HPSE2: variants seen among roughly 807,000 people sequenced by gnomAD.
The protein encoded by HPSE2 is heparanase 2 (inactive), also known as inactive heparanase-2.
A neutral mutation model predicts 60.5 loss-of-function variants in HPSE2; 38 were observed. The observed-to-expected ratio is 0.63, with a 90% CI of 0.48 to 0.82. The LOEUF (loss-of-function observed/expected upper bound fraction) is 0.82. HPSE2 is among the 40% of genes least tolerant of loss of function. HPSE2 has a pLI of 0.00. For missense variants in HPSE2, 713 were observed against 740.4 expected, an observed-to-expected ratio of 0.96 and a Z score of 0.43; for synonymous variants, 295 against 293.2, an observed-to-expected ratio of 1.01 and a Z score of -0.06.
intron 3 of HPSE2, among the ~76,000 whole-genome samples, chr10:98,976,815 G>T (rs1956097101): frequency 6.6e-6 from 1 of 152,034 alleles, no homozygotes; most frequent in Admixed American, 6.6e-5. Flanking sequence ...GAAAAAATGG[G>T]CTTTGCAGAT....
chr10:98,808,594 C>T (rs1951096180), intron 3 of HPSE2, among the ~76,000 whole-genome samples: 1 of 151,954 alleles, frequency 6.6e-6, no homozygotes, highest in South Asian at 2.1e-4. Context: ...TTTTCTGAGC[C>T]AGAAAAAAAA....
At chr10:99,084,587 G>C (rs1843257530) in intron 3 of HPSE2, among the ~76,000 whole-genome samples, 1 of 152,096 alleles carries the variant, frequency 6.6e-6, no homozygotes, top group African/African-American at 2.4e-5. Context: ...AACCATTTTT[G>C]TTGCACAGGT....
At chr10:99,213,533 A>C (rs1275144982) in intron 2 of HPSE2, among the ~76,000 whole-genome samples, 1 of 152,084 alleles carries the variant, frequency 6.6e-6, no homozygotes, top group Non-Finnish European at 1.5e-5. Flanking sequence ...ACACAACTTC[A>C]GTTTGAGGCA....
At chr10:99,115,337 G>T (rs549708911) in intron 3 of HPSE2, among the ~76,000 whole-genome samples, 51 of 152,158 alleles carry the variant, frequency 3.4e-4, no homozygotes, top group African/African-American at 1.2e-3. Context: ...GGTATTTTTA[G>T]TAGAGACGGG....
At chr10:99,013,348 C>G (rs1174606404) in intron 3 of HPSE2, 6 of 611,456 alleles carry the variant, frequency 9.8e-6, no homozygotes, top group African/African-American at 1.8e-5. Context: ...GAAATCCTCT[C>G]TCTGTCTGTA....
chr10:98,564,168 C>T (rs2133881785), intron 9 of HPSE2, among the ~76,000 whole-genome samples: 1 of 152,276 alleles, frequency 6.6e-6, no homozygotes, highest in East Asian at 1.9e-4. Context: ...GCTGTTGTCC[C>T]CACTCTCTGC....
At chr10:99,091,562 G>T (rs987962244) in intron 3 of HPSE2, among the ~76,000 whole-genome samples, 5 of 152,018 alleles carry the variant, frequency 3.3e-5, no homozygotes, top group African/African-American at 1.2e-4. Context: ...GAGTTGCTCT[G>T]ACTTAAAATA....
At chr10:98,573,301 A>G (rs889365185) in intron 9 of HPSE2, among the ~76,000 whole-genome samples, 13 of 152,372 alleles carry the variant, frequency 8.5e-5, no homozygotes, top group Admixed American at 8.5e-4. Flanking sequence ...CTTCTATTGT[A>G]GAAAAGCTTT....
intron 2 of HPSE2, among the ~76,000 whole-genome samples, chr10:99,159,170 A>T (rs1846717449): frequency 6.6e-6 from 1 of 152,202 alleles, no homozygotes; most frequent in African/African-American, 2.4e-5. Context: ...ATCAGAATGG[A>T]AATCAATGAA....
intron 3 of HPSE2, among the ~76,000 whole-genome samples, chr10:98,870,559 G>A (rs1273530916): frequency 6.6e-6 from 1 of 152,128 alleles, no homozygotes; most frequent in Non-Finnish European, 1.5e-5. Flanking sequence ...GTTGAACCTT[G>A]AAAACTGGAT....
intron 3 of HPSE2, among the ~76,000 whole-genome samples, chr10:99,063,465 G>T (rs1842513882): frequency 6.6e-6 from 1 of 152,220 alleles, no homozygotes; most frequent in Admixed American, 6.5e-5. Context: ...AAAAAGATCG[G>T]TAATACCCAT....
At chr10:99,058,268 G>A (rs964780575) in intron 3 of HPSE2, among the ~76,000 whole-genome samples, 3 of 152,152 alleles carry the variant, frequency 2.0e-5, no homozygotes, top group Admixed American at 2.0e-4. Context: ...ATGAGAAAAG[G>A]GGGGAATTGT....
chr10:98,986,224 C>T (rs7908720), intron 3 of HPSE2, among the ~76,000 whole-genome samples: 19,282 of 151,852 alleles, frequency 0.13, 1,305 homozygotes, highest in South Asian at 0.21. Flanking sequence ...TATTCCAAAA[C>T]TGACCACATA....
rs145384558 is a variant in HPSE2, at chr10:98,467,417, A to G, written c.1614-7678T>C. Reference sequence around the variant, plus strand: ...CGTTTTAGTCCAGGCTTGGGACATGAAATGTGCAGGTCTAGGTATGTGACC... The same window carrying G: ...CGTTTTAGTCCAGGCTTGGGACATGGAATGTGCAGGTCTAGGTATGTGACC... On this transcript the variant is annotated intron_variant, in intron 11 of 11. Coordinates refer to ENST00000370552, the MANE Select transcript of HPSE2 (RefSeq NM_021828.5). 2.0e-3 allele frequency among the ~76,000 whole-genome samples: 302 copies of G among 152,256 alleles called. 1 individual carries two copies. Among genetic ancestry groups the G allele is most frequent in the African/African-American group, 6.4e-3 (264 of 41,538 alleles).
chr10:98,929,735 A>C (rs1954590062), intron 3 of HPSE2, among the ~76,000 whole-genome samples: 1 of 144,482 alleles, frequency 6.9e-6, no homozygotes, highest in Non-Finnish European at 1.5e-5. Context: ...ATCTACTGCC[A>C]GTGGGAAAAA....
chr10:99,192,016 T>A (rs1192477816), intron 2 of HPSE2, among the ~76,000 whole-genome samples: 4 of 152,070 alleles, frequency 2.6e-5, no homozygotes, highest in Admixed American at 6.6e-5. Flanking sequence ...AAGAAATAAT[T>A]AGTAAGCTTG....
At chr10:99,216,644 C>A (rs1849139843) in intron 2 of HPSE2, among the ~76,000 whole-genome samples, 1 of 152,208 alleles carries the variant, frequency 6.6e-6, no homozygotes, top group South Asian at 2.1e-4. Flanking sequence ...TCTACTATAT[C>A]ATTATCTACT....
chr10:98,719,701 T>TAA (rs562725586), intron 5 of HPSE2, among the ~76,000 whole-genome samples: 4,234 of 107,142 alleles, frequency 0.04, 121 homozygotes, highest in East Asian at 0.12. Context: ...GATGTTGCAT[T>TAA]AAAAAAAAAA....
intron 3 of HPSE2, among the ~76,000 whole-genome samples, chr10:98,796,958 C>T (rs1436599542): frequency 6.6e-6 from 1 of 152,234 alleles, no homozygotes; most frequent in East Asian, 1.9e-4. Flanking sequence ...GCAAAAACCA[C>T]AGTGTTAGGC....
Sources: gnomAD v4.1 joint callset for allele counts (sites outside exome capture counted in the v4.1 genomes callset) on GRCh38, gnomAD v4.1.1 for gene constraint, MANE v1.5 for transcripts, NCBI Gene and HGNC (gene_info 2026-07-23, HGNC 2026-07-21) for gene names.